Variants in ETV7 observed in about 807,000 individuals in gnomAD.
ETV7 encodes the protein ETS variant transcription factor 7.
ETV7 carries 43 observed loss-of-function variants against 39.1 expected under a neutral mutation model. The observed-to-expected ratio is 1.10, with a 90% CI of 0.86 to 1.42. The LOEUF (loss-of-function observed/expected upper bound fraction) is 1.42. ETV7 is among the 40% of genes most tolerant of loss of function. The probability of loss-of-function intolerance (pLI) is 0.00; values close to 1 mark genes in which losing one functional copy is unlikely to be tolerated. For missense variants in ETV7, 432 were observed against 442.3 expected (o/e 0.98, Z 0.21); for synonymous variants, 196 against 176.6 (o/e 1.11, Z -0.87).
At chr6:36,364,580 C>G (rs1457424024), downstream of ETV7, among the ~76,000 whole-genome samples, 1 of 152,232 alleles carries the variant, frequency 6.6e-6, no homozygotes, top group Non-Finnish European at 1.5e-5. Context: ...CCGCAAGCGC[C>G]GCGCACAGCC....
downstream of ETV7, among the ~76,000 whole-genome samples, chr6:36,365,734 C>A (rs906022630): frequency 6.6e-6 from 1 of 152,124 alleles, no homozygotes; most frequent in Non-Finnish European, 1.5e-5. Flanking sequence ...GAAAACAGGT[C>A]GAAGCCCTGG....
At chr6:36,374,678 C>T (rs1468524591) in intron 3 of ETV7, among the ~76,000 whole-genome samples, 1 of 152,202 alleles carries the variant, frequency 6.6e-6, no homozygotes, top group Non-Finnish European at 1.5e-5. Flanking sequence ...CCCTGCCCTC[C>T]CCTCACCTCC....
intron 2 of ETV7, among the ~76,000 whole-genome samples, chr6:36,384,087 C>A (rs1222923664): frequency 6.6e-6 from 1 of 152,216 alleles, no homozygotes; most frequent in Non-Finnish European, 1.5e-5. Flanking sequence ...ACTTAGGATT[C>A]ACTGTCCCCA....
At chr6:36,357,971 G>A (rs1345175856) in intron 7 of ETV7, among the ~76,000 whole-genome samples, 1 of 152,116 alleles carries the variant, frequency 6.6e-6, no homozygotes, top group Non-Finnish European at 1.5e-5. Flanking sequence ...CCCCCATACA[G>A]AAACCACATG....
At chr6:36,354,489 A>C in exon 8 of ETV7, 1 of 528,654 alleles carries the variant, frequency 1.9e-6, no homozygotes, top group Non-Finnish European at 3.4e-6. Context: ...CATTGTCCCA[A>C]CACTATTTGT....
chr6:36,373,808 C>T (rs1213858660), intron 3 of ETV7, among the ~76,000 whole-genome samples: 4 of 152,206 alleles, frequency 2.6e-5, no homozygotes, highest in Admixed American at 2.0e-4. Flanking sequence ...CCTTTCCTGC[C>T]GGTACACGCA....
At chr6:36,368,876 C>A (rs1772854224) in intron 6 of ETV7, 53 bp downstream of exon 6, 1 of 1,612,246 alleles carries the variant, frequency 6.2e-7, no homozygotes, top group Non-Finnish European at 8.5e-7. Context: ...CTCTGACCCC[C>A]AACTCTGTCC....
intron 2 of ETV7, among the ~76,000 whole-genome samples, chr6:36,381,508 GGATGCTGAT>G (rs1773652969): frequency 6.6e-6 from 1 of 152,158 alleles, no homozygotes; most frequent in Non-Finnish European, 1.5e-5. Context: ...CTGATGATCA[GGATGCTGAT>G]CATCAGACCC....
chr6:36,363,545 A>G (rs986621604), downstream of ETV7, among the ~76,000 whole-genome samples: 1 of 152,244 alleles, frequency 6.6e-6, no homozygotes, highest in Non-Finnish European at 1.5e-5. Flanking sequence ...TAAGCGTTAC[A>G]GCTAATAAAA....
chr6:36,375,564 A>G (rs1286999157), intron 3 of ETV7, among the ~76,000 whole-genome samples: 1 of 152,136 alleles, frequency 6.6e-6, no homozygotes, highest in Non-Finnish European at 1.5e-5. Context: ...AGCGGGTGGG[A>G]GGCAACAGGA....
Position 36,387,566 on chromosome 6 carries a change from C to A in ETV7, c.-25G>T, listed in dbSNP as rs1198805114. On this transcript the variant is annotated 5_prime_UTR_variant, in exon 1 of 8. Transcript: ENST00000340181. ...TTACAGGTGGAGGTGAGGAAGCCACCGGCTTTCTGTCTTGAGCGCTCCCCT... is the reference window on the plus strand; with the variant it reads ...TTACAGGTGGAGGTGAGGAAGCCACAGGCTTTCTGTCTTGAGCGCTCCCCT... The A allele has an allele frequency of 1.9e-6, 3 of 1,613,804 alleles. No homozygotes were observed. The highest frequency in any genetic ancestry group is 2.5e-6 in the Non-Finnish European group (3 of 1,179,956).
At position 36,371,384 on chromosome 6, in the gene ETV7, C is replaced by G; in HGVS notation, c.610G>C (p.Gly204Arg). ...GGCATCGCGGGGAAGGAACAGACCC[C>G]CTGGGTCCTGCAGCCGAGCTCTGCA... is the stretch of plus-strand genomic sequence containing the variant. The part of the protein sequence containing the change: ...HCAELGCRTQ[G>R]VCSFPAMPQA... The change falls in exon 5 of 8, where the codon GGG becomes CGG. Residue 204 changes from glycine to arginine, a missense_variant. Transcript: ENST00000340181. 1.2e-6 allele frequency: 2 copies of G among 1,601,454 alleles called. No homozygotes were observed.
At chr6:36,363,235 T>G (rs1772573583), downstream of ETV7, among the ~76,000 whole-genome samples, 1 of 152,150 alleles carries the variant, frequency 6.6e-6, no homozygotes, top group Admixed American at 6.5e-5. Context: ...GCATCTGGAG[T>G]TTGTTCTTTC....
At chr6:36,362,226 C>G (rs527712147), downstream of ETV7, among the ~76,000 whole-genome samples, 14 of 151,982 alleles carry the variant, frequency 9.2e-5, no homozygotes, top group African/African-American at 3.4e-4. Flanking sequence ...GGCGTGAACC[C>G]GGGAGGCAGA....
chr6:36,368,182 A>T (rs1337418880), intron 6 of ETV7, among the ~76,000 whole-genome samples: 1 of 152,192 alleles, frequency 6.6e-6, no homozygotes, highest in African/African-American at 2.4e-5. Context: ...CAGTCTCCAC[A>T]TCCGACAACA....
At chr6:36,361,894 G>A (rs1195557340), downstream of ETV7, among the ~76,000 whole-genome samples, 2 of 152,190 alleles carry the variant, frequency 1.3e-5, no homozygotes. Context: ...TGGGTGCGGT[G>A]GCTCACACCT....
At chr6:36,370,791 A>G (rs1284541289) in intron 5 of ETV7, among the ~76,000 whole-genome samples, 1 of 152,226 alleles carries the variant, frequency 6.6e-6, no homozygotes, top group Non-Finnish European at 1.5e-5. Flanking sequence ...ATCCTTTAAC[A>G]ATGAATGCAG....
chr6:36,368,884 TC>T (rs766963872), intron 6 of ETV7, 44 bp downstream of exon 6: 7 of 1,613,564 alleles, frequency 4.3e-6, no homozygotes, highest in Non-Finnish European at 4.2e-6. Context: ...CCCAACTCTG[TC>T]CCCTTCTGGT....
downstream of ETV7, chr6:36,366,118 G>A (rs2127385447): frequency 1.1e-6 from 1 of 902,598 alleles, no homozygotes; most frequent in African/African-American, 1.8e-5. Flanking sequence ...AAGTTGCAGT[G>A]AGCCGAGATC....
Sources: gnomAD v4.1 joint callset for allele counts (sites outside exome capture counted in the v4.1 genomes callset) on GRCh38, gnomAD v4.1.1 for gene constraint, MANE v1.5 for transcripts, NCBI Gene and HGNC (gene_info 2026-07-23, HGNC 2026-07-21) for gene names.